Variants in NME9 observed in about 807,000 individuals in gnomAD.
NME9 encodes the protein thioredoxin domain-containing protein 6.
A neutral mutation model predicts 44.4 loss-of-function variants in NME9; 48 were observed. The ratio of observed to expected loss-of-function variants is 1.08; its 90% CI spans 0.86 to 1.37. The LOEUF (loss-of-function observed/expected upper bound fraction) is 1.37, where lower values mean the gene tolerates loss of function less well. Ranked by LOEUF, NME9 falls within the 40% of genes most tolerant of loss-of-function variation. The pLI is 0.00. For missense variants in NME9, 325 were observed against 405.2 expected, an observed-to-expected ratio of 0.80 and a Z score of 1.70; for synonymous variants, 139 against 147.1, an observed-to-expected ratio of 0.94 and a Z score of 0.40.
At position 138,301,023 on chromosome 3, in the gene NME9, G is replaced by A. The variant is rs555975279; in HGVS notation, c.*617C>T. On this transcript the variant is annotated 3_prime_UTR_variant, in exon 11 of 11. Coordinates refer to ENST00000333911, the MANE Select transcript of NME9 (RefSeq NM_001349018.2). ...GTTTAATTCATAAGGTAGATTTATT[G>A]TTGGGGAAACACCATCTCATATAAC... 4.9e-4 allele frequency: 479 copies of A among 973,680 alleles called. 3 individuals carry two copies. In the African/African-American group the frequency reaches 7.4e-3, roughly 15 times the overall value. The allele number at this position is 973,680 out of a possible 1,614,324, so 60.3% of individuals were successfully genotyped here. A position where few individuals can be genotyped will look rare whatever the true frequency, so the allele number is the denominator to read the frequency against.
intron 8 of NME9, chr3:138,272,969 T>C: frequency 1.3e-6 from 2 of 1,592,774 alleles, no homozygotes; most frequent in Non-Finnish European, 1.7e-6. Flanking sequence ...CCTTTCAGAA[T>C]ATGGCATTTC....
chr3:138,329,504 C>T lies in NME9; in HGVS notation c.-169G>A. The T allele has an allele frequency of 1.4e-6, 2 of 1,437,984 alleles. No individual in the cohort carries two copies. Among genetic ancestry groups the T allele is most frequent in the Non-Finnish European group, 1.8e-6 (2 of 1,101,446 alleles). The allele number at this position is 1,437,984 out of a possible 1,614,324, so 89.1% of individuals were successfully genotyped here. On this transcript the variant is annotated 5_prime_UTR_variant, in exon 1 of 11. Coordinates refer to ENST00000333911, the MANE Select transcript of NME9 (RefSeq NM_001349018.2). The stretch of plus-strand genomic sequence containing the variant: ...GTGCTTCTAACTGGCGGCAAATCAG[C>T]ACACTGATACAAAGTGAACACCCCG...
At chr3:138,268,267 A>T (rs2048463933) in intron 8 of NME9, among the ~76,000 whole-genome samples, 3 of 152,154 alleles carry the variant, frequency 2.0e-5, no homozygotes, top group Admixed American at 2.0e-4. Flanking sequence ...ACAAAAAAAC[A>T]AGATGGAGGT....
downstream of NME9, chr3:138,297,656 A>G (rs182565440): frequency 5.3e-5 from 8 of 152,282 alleles, no homozygotes; most frequent in African/African-American, 9.6e-5. Context: ...CCAAGTTACT[A>G]TTTTTTCAGA....
chr3:138,315,606 G>T lies in NME9; in HGVS notation c.305C>A (p.Ala102Asp), dbSNP rs2053018451. ...ELVAVVRGAN[A>D]PLLQKTILDQ... Reference sequence around the variant, plus strand: ...TAGGATGGTTTTCTGCAGCAGTGGGGCATTTGCTCCTCTAACCACAGCCAC... The same window carrying T: ...TAGGATGGTTTTCTGCAGCAGTGGGTCATTTGCTCCTCTAACCACAGCCAC... Residue 102 changes from alanine to aspartate, a missense_variant, in exon 5 of 11, where the codon GCC becomes GAC. By Grantham distance (126) the Ala-to-Asp change is moderately radical. Transcript: ENST00000333911. The T allele has an allele frequency of 6.5e-7, 1 of 1,536,518 alleles. No homozygotes were observed. The highest frequency in any genetic ancestry group is 1.4e-5 in the African/African-American group (1 of 73,020).
chr3:138,291,112 A>T (rs1385573242), intron 8 of NME9, among the ~76,000 whole-genome samples: 2 of 152,206 alleles, frequency 1.3e-5, no homozygotes, highest in African/African-American at 4.8e-5. Flanking sequence ...TTATAATCAG[A>T]TACTCAGCTA....
chr3:138,262,563 A>G (rs1239096085), exon 9 of NME9: 10 of 1,612,418 alleles, frequency 6.2e-6, no homozygotes, highest in African/African-American at 2.7e-5. Context: ...GTGATCTTCA[A>G]CCTTGGCTGT....
chr3:138,314,451 C>T, intron 5 of NME9, 44 bp from the exon 6 acceptor site: 2 of 1,190,318 alleles, frequency 1.7e-6, no homozygotes, highest in South Asian at 2.5e-5. Context: ...AGCTAATTAA[C>T]ATTACCACTA....
downstream of NME9, among the ~76,000 whole-genome samples, chr3:138,299,925 A>G (rs1237786649): frequency 1.3e-5 from 2 of 152,068 alleles, no homozygotes; most frequent in Non-Finnish European, 2.9e-5. Flanking sequence ...CACCCCCTCC[A>G]AGTAGCTCAT....
chr3:138,268,876 G>C (rs1386434807), intron 8 of NME9, among the ~76,000 whole-genome samples: 1 of 152,036 alleles, frequency 6.6e-6, no homozygotes, highest in Non-Finnish European at 1.5e-5. Flanking sequence ...ATTAGAGTAT[G>C]GGCTATAGAT....
intron 8 of NME9, among the ~76,000 whole-genome samples, chr3:138,265,988 CAG>C (rs1264619775): frequency 6.6e-6 from 1 of 152,176 alleles, no homozygotes; most frequent in Non-Finnish European, 1.5e-5. Context: ...CAGGAGCTGT[CAG>C]GGGGACACCA....
At chr3:138,261,483 C>T (rs528093713) in exon 9 of NME9, 2 of 152,180 alleles carry the variant, frequency 1.3e-5, no homozygotes, top group Admixed American at 6.5e-5. Context: ...ATTAGGCAAT[C>T]AGAAGTATGG....
intron 6 of NME9, among the ~76,000 whole-genome samples, chr3:138,309,702 C>T (rs1385899746): frequency 6.6e-6 from 1 of 151,832 alleles, no homozygotes; most frequent in Non-Finnish European, 1.5e-5. Flanking sequence ...CCACTGCACT[C>T]CAGCCTGGGT....
chr3:138,303,929 CA>C (rs2052032221), intron 9 of NME9, among the ~76,000 whole-genome samples: 2 of 152,310 alleles, frequency 1.3e-5, no homozygotes, highest in East Asian at 3.9e-4. Flanking sequence ...TTTAAAGATG[CA>C]TGATTAATGG....
At chr3:138,304,819 C>G (rs1389528607) in intron 9 of NME9, 54 bp downstream of exon 9, 52 of 1,567,566 alleles carry the variant, frequency 3.3e-5, no homozygotes, top group Non-Finnish European at 4.2e-5. Flanking sequence ...GGGACTCAGC[C>G]TCCTGGGATG....
chr3:138,262,516 G>A lies in NME9; in HGVS notation c.*24C>T, dbSNP rs747228775. 2.0e-5 allele frequency: 32 copies of A among 1,609,102 alleles called. No individual in the cohort carries two copies. In the East Asian group the frequency reaches 6.5e-4, roughly 33 times the overall value. ...GTTTTCCACTCTCTCATGTTCTAAGGTCAGACTTCTGAATCCTCTCATTTT... is the reference window on the plus strand; with the variant it reads ...GTTTTCCACTCTCTCATGTTCTAAGATCAGACTTCTGAATCCTCTCATTTT... On this transcript the variant is annotated 3_prime_UTR_variant, in exon 9 of 9. Coordinates refer to the NME9 transcript ENST00000317876.
At chr3:138,323,391 G>T (rs1038309015) in intron 2 of NME9, among the ~76,000 whole-genome samples, 45 of 152,178 alleles carry the variant, frequency 3.0e-4, no homozygotes, top group African/African-American at 1.1e-3. Context: ...ACTCCAGCCT[G>T]GGTGACTCCG....
chr3:138,282,153 G>T (rs2049990511), intron 8 of NME9, among the ~76,000 whole-genome samples: 2 of 152,216 alleles, frequency 1.3e-5, no homozygotes, highest in Admixed American at 1.3e-4. Context: ...AGACTGGTTG[G>T]TGAGGATTGG....
rs760858004 is a variant in NME9, at chr3:138,303,725, A to G, written c.792-82T>C. On this transcript the variant is annotated intron_variant, in intron 9 of 10. Coordinates refer to ENST00000333911, the MANE Select transcript of NME9 (RefSeq NM_001349018.2). ...TTGCTTTCTGGCAACATGATCACCG[A>G]CTACCAATCAGCACCCTGCATTCCT... 550 of 1,278,558 alleles carry G rather than the reference A, an allele frequency of 4.3e-4. 1 individual carries two copies. In the Middle Eastern group the frequency reaches 4.5e-3, roughly 10 times the overall value. The allele number at this position is 1,278,558 out of a possible 1,614,324, so 79.2% of individuals were successfully genotyped here. A position where few individuals can be genotyped will look rare whatever the true frequency, so the allele number is the denominator to read the frequency against.
Sources: gnomAD v4.1 joint callset for allele counts (sites outside exome capture counted in the v4.1 genomes callset) on GRCh38, gnomAD v4.1.1 for gene constraint, MANE v1.5 for transcripts, NCBI Gene and HGNC (gene_info 2026-07-23, HGNC 2026-07-21) for gene names.